LTBP2: variants seen among roughly 807,000 people sequenced by gnomAD.
LTBP2 encodes latent-transforming growth factor beta-binding protein 2.
In LTBP2, 103 loss-of-function variants were observed where a neutral mutation model predicts 210.6. The ratio of observed to expected loss-of-function variants is 0.49; its 90% CI spans 0.42 to 0.58. The LOEUF (loss-of-function observed/expected upper bound fraction) is 0.58. Ranked by LOEUF, LTBP2 falls within the 20% of genes least tolerant of loss-of-function variation. The pLI is 0.00. For synonymous variants in LTBP2, 1,007 were observed against 1,015.0 expected (o/e 0.99, Z 0.15); for missense variants, 2,313 against 2,494.5 (o/e 0.93, Z 1.55).
At position 74,508,185 on chromosome 14, in the gene LTBP2, A is replaced by G. The variant is rs2087016083; in HGVS notation, c.3653-90T>C. On this transcript the variant is annotated intron_variant, in intron 24 of 35. Transcript: ENST00000261978. The stretch of plus-strand genomic sequence containing the variant: ...GCTTCCTCTGGGCCCTGAGTAGCCC[A>G]TAGGAGAGTCAGGGAGTGGCTTATG... The G allele has an allele frequency of 7.3e-6, 11 of 1,511,810 alleles. No homozygotes were observed. The South Asian group carries it at 1.2e-4, about 16-fold the overall frequency. 93.6% of individuals were successfully genotyped at this position (1,511,810 alleles called of 1,614,324 possible).
In LTBP2 at chr14:74,506,267, C is replaced by T. The variant is rs112413542; in HGVS notation, c.4034-76G>A. 5 of 1,594,160 alleles carry T rather than the reference C, an allele frequency of 3.1e-6. No homozygotes were observed. In the African/African-American group the frequency reaches 4.0e-5, roughly 13 times the overall value. On this transcript the variant is annotated intron_variant, in intron 27 of 35. Transcript: ENST00000261978. ...CCCTGCCCCTGACTACAGCCCACTG[C>T]CCCCAAAAGAAGCAGGCTAGGCCTT...
At chr14:74,601,343 C>G (rs1356441487) in intron 2 of LTBP2, among the ~76,000 whole-genome samples, 1 of 151,896 alleles carries the variant, frequency 6.6e-6, no homozygotes, top group African/African-American at 2.4e-5. Flanking sequence ...GCCAGGAGTT[C>G]GAGACCAGCC....
At chr14:74,536,203 A>T (rs1368977289) in intron 8 of LTBP2, among the ~76,000 whole-genome samples, 1 of 152,250 alleles carries the variant, frequency 6.6e-6, no homozygotes, top group East Asian at 1.9e-4. Context: ...TAAAAGCAGT[A>T]CTAAGTGAAA....
At chr14:74,532,757 T>C (rs2087368511) in intron 9 of LTBP2, among the ~76,000 whole-genome samples, 1 of 152,262 alleles carries the variant, frequency 6.6e-6, no homozygotes, top group African/African-American at 2.4e-5. Flanking sequence ...TGTTGTTAAA[T>C]GGATAAGATC....
chr14:74,608,919 A>G (rs1042302364), intron 1 of LTBP2, among the ~76,000 whole-genome samples: 1 of 152,194 alleles, frequency 6.6e-6, no homozygotes, highest in African/African-American at 2.4e-5. Context: ...TGAAAGTTCC[A>G]TGAGGACAGA....
intron 21 of LTBP2, 112 bp from the exon 22 acceptor site, chr14:74,509,475 C>A (rs1353677043): frequency 2.7e-6 from 4 of 1,502,570 alleles, no homozygotes; most frequent in Non-Finnish European, 3.7e-6. Flanking sequence ...TCCTAAAACC[C>A]CCTCCCTAGA....
intron 10 of LTBP2, among the ~76,000 whole-genome samples, chr14:74,530,227 C>G (rs2087332605): frequency 6.6e-6 from 1 of 152,208 alleles, no homozygotes. Flanking sequence ...GGCTTGTGGT[C>G]CATACCCCTG....
chr14:74,563,852 G>A (rs1297477315), intron 3 of LTBP2, among the ~76,000 whole-genome samples: 1 of 149,786 alleles, frequency 6.7e-6, no homozygotes, highest in Non-Finnish European at 1.5e-5. Context: ...TGTAGGGCAT[G>A]TGAACTCCTG....
At chr14:74,546,296 A>G (rs1256993241) in intron 8 of LTBP2, among the ~76,000 whole-genome samples, 1 of 152,036 alleles carries the variant, frequency 6.6e-6, no homozygotes, top group African/African-American at 2.4e-5. Context: ...ACCTTCCCCA[A>G]ACCTGCCCTG....
chr14:74,552,285 G>C lies in LTBP2; in HGVS notation c.1301C>G (p.Pro434Arg). The C allele has an allele frequency of 6.2e-7, 1 of 1,613,372 alleles. No individual in the cohort carries two copies. The part of the protein sequence containing the change: ...GKFCHLPIPQ[P>R]DREPPGRGSR... ...CCCCCTCCCTGGAGGCTCCCTGTCC[G>C]GCTGCGGGATAGGCAGGTGGCAGAA... The change falls in exon 6 of 36, where the codon CCG becomes CGG. Residue 434 changes from proline (P) to arginine (R), a missense_variant. By Grantham distance (103) the Pro-to-Arg change is moderately radical. Coordinates refer to ENST00000261978, the MANE Select transcript of LTBP2 (RefSeq NM_000428.3).
rs147669615 is a variant in LTBP2, at chr14:74,524,129, G to T, written c.2530+995C>A. On this transcript the variant is annotated intron_variant, in intron 15 of 35. Transcript: ENST00000261978. The stretch of plus-strand genomic sequence containing the variant: ...CAAGAGCTGCTGCTGAGCTTGGCCT[G>T]CCCCCTGCCCCCTGCCCCCTGCTTC... 3.0e-3 allele frequency among the ~76,000 whole-genome samples: 454 copies of T among 152,092 alleles called. 2 individuals carry two copies. The highest frequency in any genetic ancestry group is 0.01 in the African/African-American group (420 of 41,504).
At chr14:74,514,616 G>T (rs561076317) in intron 18 of LTBP2, among the ~76,000 whole-genome samples, 1 of 152,314 alleles carries the variant, frequency 6.6e-6, no homozygotes, top group Admixed American at 6.5e-5. Context: ...CTTGGTTATG[G>T]CTGGGCGACA....
chr14:74,607,318 A>C (rs925058548), intron 1 of LTBP2, among the ~76,000 whole-genome samples: 2 of 152,194 alleles, frequency 1.3e-5, no homozygotes, highest in African/African-American at 4.8e-5. Context: ...GTCTGACTAG[A>C]ACTTAAGAAC....
chr14:74,501,075 T>C (rs750916207), intron 35 of LTBP2, 46 bp from the exon 36 acceptor site: 3 of 1,589,432 alleles, frequency 1.9e-6, no homozygotes, highest in Non-Finnish European at 1.7e-6. Context: ...CAGGTGCCTC[T>C]GCTGGCTGCC....
intron 3 of LTBP2, among the ~76,000 whole-genome samples, chr14:74,562,071 G>A (rs757955423): frequency 2.6e-5 from 4 of 152,076 alleles, no homozygotes; most frequent in Admixed American, 6.6e-5. Context: ...TTAGCTGGGC[G>A]TGTTGGTGGG....
chr14:74,591,647 G>T (rs1303157521), intron 2 of LTBP2, among the ~76,000 whole-genome samples: 1 of 152,222 alleles, frequency 6.6e-6, no homozygotes, highest in East Asian at 1.9e-4. Context: ...TAAGCATTGT[G>T]TTTTGAGCTG....
At chr14:74,512,130 G>A (rs2530399) in intron 18 of LTBP2, among the ~76,000 whole-genome samples, 14 of 151,534 alleles carry the variant, frequency 9.2e-5, no homozygotes, top group African/African-American at 1.5e-4. Flanking sequence ...GCTCTTCCCC[G>A]ACATAACCTG....
intron 34 of LTBP2, 189 bp downstream of exon 34, chr14:74,502,464 C>G: frequency 4.1e-6 from 3 of 729,994 alleles, no homozygotes; most frequent in Non-Finnish European, 4.8e-6. Context: ...TAGTTTATGA[C>G]GGAGTTGTTA....
At chr14:74,528,357 G>A in intron 12 of LTBP2, 126 bp downstream of exon 12, 1 of 1,101,324 alleles carries the variant, frequency 9.1e-7, no homozygotes, top group Non-Finnish European at 1.4e-6. Flanking sequence ...GCTGCTCCAA[G>A]CTCCCTTTCC....
Sources: gnomAD v4.1 joint callset for allele counts (sites outside exome capture counted in the v4.1 genomes callset) on GRCh38, gnomAD v4.1.1 for gene constraint, MANE v1.5 for transcripts, NCBI Gene and HGNC (gene_info 2026-07-23, HGNC 2026-07-21) for gene names.